CHIC1: variants seen among roughly 807,000 people sequenced by gnomAD.
The protein encoded by CHIC1 is cysteine-rich hydrophobic domain-containing protein 1.
Under a neutral mutation model 18.5 loss-of-function variants are expected in CHIC1, and 7 were observed. The ratio of observed to expected loss-of-function variants is 0.38; its 90% CI spans 0.22 to 0.71. CHIC1 has a LOEUF of 0.71. Among genes scored for constraint, CHIC1 ranks in the 30% least tolerant of loss-of-function variants. The probability of loss-of-function intolerance (pLI) is 0.49; values close to 1 mark genes in which losing one functional copy is unlikely to be tolerated. For missense variants in CHIC1, 159 were observed against 176.9 expected (o/e 0.90, Z 0.57); for synonymous variants, 77 against 73.5 (o/e 1.05, Z -0.25).
intron 3 of CHIC1, among the ~76,000 whole-genome samples, chrX:73,644,428 T>G (rs2057877056): frequency 8.9e-6 from 1 of 112,416 alleles, no homozygotes; most frequent in Non-Finnish European, 1.9e-5. Flanking sequence ...CAGGGACATT[T>G]AAGTCTGCAG....
intron 1 of CHIC1, 48 bp downstream of exon 1, chrX:73,563,628 CAG>C: frequency 9.8e-7 from 1 of 1,023,304 alleles, no homozygotes; most frequent in Non-Finnish European, 1.3e-6. Flanking sequence ...GATTTGGCAA[CAG>C]AGGAATGAGA....
At chrX:73,637,035 G>A (rs1004137745) in intron 3 of CHIC1, among the ~76,000 whole-genome samples, 4 of 111,451 alleles carry the variant, frequency 3.6e-5, no homozygotes, top group Non-Finnish European at 3.8e-5. Flanking sequence ...TTCTAGCATC[G>A]TTTAGCATTT....
intron 1 of CHIC1, among the ~76,000 whole-genome samples, chrX:73,565,917 T>C (rs922722404): frequency 9.0e-6 from 1 of 111,212 alleles, no homozygotes; most frequent in Non-Finnish European, 1.9e-5. Flanking sequence ...GAGCATTTTG[T>C]TTCTTCTCAA....
At chrX:73,567,922 A>C (rs2057452857) in intron 1 of CHIC1, among the ~76,000 whole-genome samples, 4 of 110,207 alleles carry the variant, frequency 3.6e-5, no homozygotes, top group Non-Finnish European at 7.6e-5. Context: ...CACCTTCTGC[A>C]AGTCTTCTTT....
intron 3 of CHIC1, among the ~76,000 whole-genome samples, chrX:73,669,430 C>G (rs1488305123): frequency 9.0e-6 from 1 of 111,584 alleles, no homozygotes; most frequent in Non-Finnish European, 1.9e-5. Flanking sequence ...TGTTTGGACT[C>G]TCTAAGCCCA....
intron 3 of CHIC1, among the ~76,000 whole-genome samples, chrX:73,597,793 C>G (rs2057618239): frequency 9.1e-6 from 1 of 109,467 alleles, no homozygotes; most frequent in South Asian, 3.9e-4. Flanking sequence ...CTGACAGACC[C>G]TGGTGTGTGA....
intron 3 of CHIC1, among the ~76,000 whole-genome samples, chrX:73,609,279 T>C (rs955344322): frequency 1.8e-5 from 2 of 108,871 alleles, no homozygotes; most frequent in African/African-American, 7.1e-5. Flanking sequence ...CATGTTCCCC[T>C]CTGAAACAAA....
intron 3 of CHIC1, among the ~76,000 whole-genome samples, chrX:73,660,643 C>T (rs2147617806): frequency 9.0e-6 from 1 of 111,260 alleles, no homozygotes; most frequent in African/African-American, 3.3e-5. Context: ...GGGCTTGTGT[C>T]GTCCAAGGGA....
intron 3 of CHIC1, among the ~76,000 whole-genome samples, chrX:73,629,599 A>T (rs756686169): frequency 3.6e-5 from 4 of 112,067 alleles, no homozygotes; most frequent in Non-Finnish European, 3.8e-5. Flanking sequence ...CTTTTCAAAA[A>T]TTAGTTGACC....
At chrX:73,679,293 A>G in intron 3 of CHIC1, 33 bp from the exon 4 acceptor site, 4 of 986,000 alleles carry the variant, frequency 4.1e-6, no homozygotes, top group Middle Eastern at 2.6e-4. Context: ...TCTTCAGGTC[A>G]TCTTGTAACA....
chrX:73,629,191 T>C (rs2057796741), intron 3 of CHIC1, among the ~76,000 whole-genome samples: 1 of 111,636 alleles, frequency 9.0e-6, no homozygotes, highest in Admixed American at 9.5e-5. Context: ...ATGATGTTCT[T>C]ATATATTTTG....
At chrX:73,677,942 T>G (rs2058077172) in intron 3 of CHIC1, among the ~76,000 whole-genome samples, 1 of 111,906 alleles carries the variant, frequency 8.9e-6, no homozygotes, top group Admixed American at 9.4e-5. Context: ...ATAAATTTAA[T>G]TTTCTTTGGA....
At chrX:73,566,842 A>G (rs1360676097) in intron 1 of CHIC1, among the ~76,000 whole-genome samples, 1 of 111,177 alleles carries the variant, frequency 9.0e-6, no homozygotes, top group Non-Finnish European at 1.9e-5. Context: ...AGAAGCTTCT[A>G]CTCCAGGGTT....
intron 1 of CHIC1, among the ~76,000 whole-genome samples, chrX:73,569,118 A>G: frequency 1.8e-5 from 2 of 111,817 alleles, no homozygotes; most frequent in Middle Eastern, 4.6e-3. Flanking sequence ...TCCTTGGTGT[A>G]GCAAATAGAG....
chrX:73,585,667 A>G (rs1011866207), intron 3 of CHIC1, among the ~76,000 whole-genome samples: 3 of 111,699 alleles, frequency 2.7e-5, no homozygotes, highest in Non-Finnish European at 5.7e-5. Flanking sequence ...ATTTCCCATC[A>G]TGTAAATACA....
chrX:73,662,943 G>T (rs2057987703), intron 3 of CHIC1, among the ~76,000 whole-genome samples: 2 of 112,127 alleles, frequency 1.8e-5, no homozygotes, highest in Admixed American at 1.9e-4. Context: ...TGGTAGGACT[G>T]TTCAGCATTC....
intron 3 of CHIC1, among the ~76,000 whole-genome samples, chrX:73,609,741 T>C (rs992385161): frequency 1.8e-5 from 2 of 109,795 alleles, no homozygotes; most frequent in African/African-American, 7.1e-5. Flanking sequence ...ACATAGACTG[T>C]GGAATGAGTC....
chrX:73,592,489 T>G (rs1199138454), intron 3 of CHIC1, among the ~76,000 whole-genome samples: 1 of 111,985 alleles, frequency 8.9e-6, no homozygotes, highest in Non-Finnish European at 1.9e-5. Context: ...TTTGTCCTGT[T>G]TATGTGGTGA....
intron 3 of CHIC1, among the ~76,000 whole-genome samples, chrX:73,602,544 C>G (rs1325449531): frequency 9.2e-6 from 1 of 108,826 alleles, no homozygotes; most frequent in Non-Finnish European, 1.9e-5. Context: ...TCTATTTTGG[C>G]TTTTGTTGCC....
Sources: allele counts gnomAD v4.1 joint callset (sites outside exome capture counted in the v4.1 genomes callset), GRCh38; gene constraint gnomAD v4.1.1; transcripts MANE v1.5; gene names NCBI Gene and HGNC (gene_info 2026-07-23, HGNC 2026-07-21).